The following PWP1 variants were observed in gnomAD, a reference collection of about 807,000 sequenced individuals.
PWP1 encodes PWP1 homolog, endonuclein, also known as periodic tryptophan protein 1 homolog.
In PWP1, 47 loss-of-function variants were observed where a neutral mutation model predicts 69.9. That is an observed-to-expected ratio of 0.67 (90% CI 0.53 to 0.86). The LOEUF (loss-of-function observed/expected upper bound fraction) is 0.86, where lower values mean the gene tolerates loss of function less well. Among genes scored for constraint, PWP1 ranks in the 40% least tolerant of loss-of-function variants. The pLI is 0.00. For synonymous variants in PWP1, 222 were observed against 208.2 expected (o/e 1.07, Z -0.57); for missense variants, 551 against 608.8 (o/e 0.91, Z 1.00).
At chr12:107,691,660 G>A (rs185369295) in intron 3 of PWP1, among the ~76,000 whole-genome samples, 18 of 151,002 alleles carry the variant, frequency 1.2e-4, no homozygotes, top group Middle Eastern at 3.4e-3. Flanking sequence ...GAATTGGTAC[G>A]TCTGGTTTCC....
Position 107,712,263 on chromosome 12 carries a change from A to G in PWP1, c.*43A>G. 1 of 1,527,534 alleles carries G rather than the reference A, an allele frequency of 6.5e-7. No individual in the cohort carries two copies. Among genetic ancestry groups the G allele is most frequent in the Non-Finnish European group, 9.1e-7 (1 of 1,103,508 alleles). 94.6% of individuals were successfully genotyped at this position (1,527,534 alleles called of 1,614,324 possible). A position where few individuals can be genotyped will look rare whatever the true frequency, so the allele number is the denominator to read the frequency against. ...CCTGCTTACCTTAACTGGGAATTTT[A>G]AAAAGTTGGCCTAAAAATGTTCCAT... On this transcript the variant is annotated 3_prime_UTR_variant, in exon 15 of 15. Coordinates refer to ENST00000412830, the MANE Select transcript of PWP1 (RefSeq NM_007062.3).
At position 107,712,642 on chromosome 12, in the gene PWP1, A is replaced by C. The variant is rs751932602; in HGVS notation, c.*422A>C. 1.3e-5 allele frequency: 2 copies of C among 155,244 alleles called. No homozygotes were observed. The highest frequency in any genetic ancestry group is 2.4e-5 in the African/African-American group (1 of 41,508). The allele number at this position is 155,244 out of a possible 1,614,324, so 9.6% of individuals were successfully genotyped here. On this transcript the variant is annotated 3_prime_UTR_variant, in exon 15 of 15. Coordinates refer to ENST00000412830, the MANE Select transcript of PWP1 (RefSeq NM_007062.3). ...GGCCATGAACAGAGGCAAGTGCCCC[A>C]GAGACTCCACTTTCATTCCTAACTG...
chr12:107,696,029 CTTTT>C (rs397700499), intron 5 of PWP1, among the ~76,000 whole-genome samples: 2 of 103,748 alleles, frequency 1.9e-5, no homozygotes, highest in Admixed American at 1.2e-4. Flanking sequence ...ATATTGGAAT[CTTTT>C]TTTTTTTTTT....
intron 3 of PWP1, among the ~76,000 whole-genome samples, chr12:107,691,824 TG>T (rs1566077218): frequency 6.6e-6 from 1 of 152,214 alleles, no homozygotes; most frequent in African/African-American, 2.4e-5. Flanking sequence ...ATCTGTCCTA[TG>T]GATTACTATT....
intron 8 of PWP1, among the ~76,000 whole-genome samples, chr12:107,699,908 A>C (rs1378958289): frequency 3.9e-5 from 6 of 152,200 alleles, no homozygotes; most frequent in Non-Finnish European, 8.8e-5. Flanking sequence ...TAAAGGAAAG[A>C]GGTTTAATTG....
chr12:107,706,199 T>A (rs1179410769), intron 11 of PWP1, among the ~76,000 whole-genome samples: 1 of 152,244 alleles, frequency 6.6e-6, no homozygotes, highest in Non-Finnish European at 1.5e-5. Context: ...ATGTCTTCTT[T>A]TGAGAAGTGT....
chr12:107,710,272 G>A, intron 13 of PWP1, 133 bp from the exon 14 acceptor site: 1 of 1,392,696 alleles, frequency 7.2e-7, no homozygotes, highest in Non-Finnish European at 9.5e-7. Flanking sequence ...TTTGCAGTAG[G>A]CTTGAAAGTG....
intron 4 of PWP1, 43 bp downstream of exon 4, chr12:107,692,942 C>CA (rs777258591): frequency 2.5e-6 from 4 of 1,612,356 alleles, no homozygotes; most frequent in South Asian, 2.2e-5. Flanking sequence ...CTTAAGTGTT[C>CA]AAAAAACCTT....
At chr12:107,694,275 C>T (rs955965410) in intron 5 of PWP1, among the ~76,000 whole-genome samples, 2 of 152,184 alleles carry the variant, frequency 1.3e-5, no homozygotes, top group East Asian at 1.9e-4. Flanking sequence ...CCGATACTCT[C>T]CTCCCCCAGC....
chr12:107,703,177 A>T (rs1889747389), intron 9 of PWP1, 146 bp downstream of exon 9: 3 of 650,498 alleles, frequency 4.6e-6, no homozygotes, highest in Non-Finnish European at 7.9e-6. Flanking sequence ...TAGGATTTTC[A>T]CAAAGCCCTG....
intron 2 of PWP1, 32 bp from the exon 3 acceptor site, chr12:107,688,583 G>C: frequency 1.2e-6 from 2 of 1,610,520 alleles, no homozygotes; most frequent in South Asian, 2.2e-5. Flanking sequence ...GGTAGCATTT[G>C]GGTGATTCTC....
chr12:107,688,521 A>C lies in PWP1; in HGVS notation c.131+15A>C, dbSNP rs1414530914. The C allele has an allele frequency of 6.2e-7, 1 of 1,613,266 alleles. No homozygotes were observed. Among genetic ancestry groups the C allele is most frequent in the Admixed American group, 1.7e-5 (1 of 59,890 alleles). ...GAGAAATTGCAGTAAGTTTAGGACC[A>C]GATGAAATCTATATCTTAAATGATG... On this transcript the variant is annotated intron_variant, in intron 2 of 14. Coordinates refer to ENST00000412830, the MANE Select transcript of PWP1 (RefSeq NM_007062.3).
At position 107,710,505 on chromosome 12, in the gene PWP1, C is replaced by T. The variant is rs533485700; in HGVS notation, c.1391C>T (p.Ser464Phe). Residue 464 changes from serine to phenylalanine, a missense_variant, in exon 14 of 15, where the codon TCT (serine) becomes TTT (phenylalanine). Transcript: ENST00000412830. ...GLRVWDISTV[S>F]SVNEAFGRRE... ...CGGGTCTGGGATATAAGCACAGTCT[C>T]TTCAGGTAAGGATTTTTAGTTCTCT... 102 of 1,558,634 alleles carry T rather than the reference C, an allele frequency of 6.5e-5. 1 individual carries two copies. The South Asian group carries it at 1.0e-3, about 16-fold the overall frequency.
In PWP1 at chr12:107,697,524, T is replaced by C. The variant is rs1299528527; in HGVS notation, c.671T>C (p.Ile224Thr). ...GTTATTGAAGTGTGGGACCTTGATATAGTGGACTCTTTAGAGCCAGTCTTC... is the reference window on the plus strand; with the variant it reads ...GTTATTGAAGTGTGGGACCTTGATACAGTGGACTCTTTAGAGCCAGTCTTC... ...TPVIEVWDLD[I>T]VDSLEPVFTL... Residue 224 changes from isoleucine to threonine, a missense_variant, in exon 7 of 15, where the codon ATA (isoleucine) becomes ACA (threonine). Coordinates refer to ENST00000412830, the MANE Select transcript of PWP1 (RefSeq NM_007062.3). 6 of 1,609,692 alleles carry C rather than the reference T, an allele frequency of 3.7e-6. No homozygotes were observed. Among genetic ancestry groups the C allele is most frequent in the Non-Finnish European group, 3.4e-6 (4 of 1,178,456 alleles).
At chr12:107,708,479 C>T (rs1241126733) in intron 11 of PWP1, among the ~76,000 whole-genome samples, 1 of 152,124 alleles carries the variant, frequency 6.6e-6, no homozygotes, top group Non-Finnish European at 1.5e-5. Context: ...CCTTTCATTC[C>T]TAAGTTCCTT....
intron 9 of PWP1, 44 bp from the exon 10 acceptor site, chr12:107,703,641 A>G: frequency 6.5e-7 from 1 of 1,528,486 alleles, no homozygotes; most frequent in Non-Finnish European, 9.1e-7. Flanking sequence ...TTTTACGAAA[A>G]GCAAACCAAC....
intron 14 of PWP1, 53 bp from the exon 15 acceptor site, chr12:107,712,058 T>G: frequency 6.8e-7 from 1 of 1,464,468 alleles, no homozygotes; most frequent in East Asian, 2.3e-5. Flanking sequence ...CTTTTTATAT[T>G]CTGACTTAAT....
rs189295716 is a variant in PWP1, at chr12:107,702,614, A to C, written c.807-321A>C. Among the ~76,000 whole-genome samples, 68 of 152,344 alleles carry C rather than the reference A, an allele frequency of 4.5e-4. 2 individuals carry two copies. In the East Asian group the frequency reaches 0.013, roughly 29 times the overall value. ...TTGTCACTTTCTGTAAAAAGAAAGA[A>C]AAAAGTCATCAGAGATTTTGAAAGA... On this transcript the variant is annotated intron_variant, in intron 8 of 14. Coordinates refer to ENST00000412830, the MANE Select transcript of PWP1 (RefSeq NM_007062.3).
intron 1 of PWP1, 116 bp from the exon 2 acceptor site, chr12:107,688,327 TTCTTA>T (rs1379159380): frequency 1.7e-5 from 13 of 747,112 alleles, no homozygotes; most frequent in Non-Finnish European, 2.1e-5. Context: ...TGATGTTTGA[TTCTTA>T]TCTTGATGAC....
Sources: gnomAD v4.1 joint callset for allele counts (sites outside exome capture counted in the v4.1 genomes callset) on GRCh38, gnomAD v4.1.1 for gene constraint, MANE v1.5 for transcripts, NCBI Gene and HGNC (gene_info 2026-07-23, HGNC 2026-07-21) for gene names.